Variants in TOX observed in about 807,000 individuals in gnomAD.
TOX encodes thymocyte selection-associated high mobility group box protein TOX.
TOX carries 11 observed loss-of-function variants against 53.7 expected under a neutral mutation model. The ratio of observed to expected loss-of-function variants is 0.20; its 90% CI spans 0.13 to 0.34. The LOEUF is 0.34. Among genes scored for constraint, TOX ranks in the 10% least tolerant of loss-of-function variants. TOX has a pLI of 1.00. For synonymous variants in TOX, 225 were observed against 245.3 expected, an observed-to-expected ratio of 0.92 and a Z score of 0.77; for missense variants, 570 against 664.6, an observed-to-expected ratio of 0.86 and a Z score of 1.56.
chr8:58,883,084 C>T lies in TOX; in HGVS notation c.412-31279G>A, dbSNP rs373403038. 1.6e-3 allele frequency among the ~76,000 whole-genome samples: 245 copies of T among 152,280 alleles called. 1 individual carries two copies. Among genetic ancestry groups the T allele is most frequent in the Non-Finnish European group, 2.8e-3 (189 of 68,032 alleles). On this transcript the variant is annotated intron_variant, in intron 3 of 8. Transcript: ENST00000361421. ...ATTCTATTTTCTCAGTGATATGTGT[C>T]CTAATCACTTTCTCAGCAGTGTCAT...
chr8:58,874,354 G>T (rs1811250468), intron 3 of TOX, among the ~76,000 whole-genome samples: 1 of 152,044 alleles, frequency 6.6e-6, no homozygotes, highest in African/African-American at 2.4e-5. Context: ...AGTGAGAGAT[G>T]TTTTGAGTGT....
At chr8:58,854,365 A>G (rs1810876032) in intron 3 of TOX, among the ~76,000 whole-genome samples, 2 of 152,186 alleles carry the variant, frequency 1.3e-5, no homozygotes, top group African/African-American at 4.8e-5. Flanking sequence ...TTCCAGATTT[A>G]TGACTACAAC....
intron 1 of TOX, among the ~76,000 whole-genome samples, chr8:58,977,401 T>C (rs1813121596): frequency 6.6e-6 from 1 of 152,246 alleles, no homozygotes; most frequent in Non-Finnish European, 1.5e-5. Flanking sequence ...AGTGGCTGCT[T>C]TGATCTTCTA....
chr8:58,996,068 T>G (rs1378430207), intron 1 of TOX, among the ~76,000 whole-genome samples: 1 of 152,256 alleles, frequency 6.6e-6, no homozygotes, highest in African/African-American at 2.4e-5. Flanking sequence ...GTAATTTTTA[T>G]AGCAGTTTTA....
chr8:59,037,803 A>C (rs913209364), intron 1 of TOX, among the ~76,000 whole-genome samples: 12 of 116,708 alleles, frequency 1.0e-4, no homozygotes, highest in Admixed American at 4.0e-4. Context: ...CTCCATCTCA[A>C]AAAAAAAAAA....
intron 1 of TOX, among the ~76,000 whole-genome samples, chr8:59,114,880 G>A (rs569371227): frequency 6.6e-6 from 1 of 152,108 alleles, no homozygotes; most frequent in Non-Finnish European, 1.5e-5. Flanking sequence ...AGGAGATTTT[G>A]CAGAGACTGT....
chr8:59,001,996 C>T (rs1192381385), intron 1 of TOX, among the ~76,000 whole-genome samples: 8 of 113,326 alleles, frequency 7.1e-5, no homozygotes, highest in Non-Finnish European at 1.3e-4. Flanking sequence ...TTTTTTGAGA[C>T]GGAGTTTCAC....
intron 3 of TOX, among the ~76,000 whole-genome samples, chr8:58,861,660 T>C (rs1811011571): frequency 6.6e-6 from 1 of 152,188 alleles, no homozygotes; most frequent in African/African-American, 2.4e-5. Flanking sequence ...AATTGGGACG[T>C]ACTGGGAGAC....
chr8:59,111,052 T>C (rs1033772452), intron 1 of TOX, among the ~76,000 whole-genome samples: 3 of 152,164 alleles, frequency 2.0e-5, no homozygotes, highest in Admixed American at 2.0e-4. Context: ...ACTGGATATA[T>C]GGAAGACTGG....
chr8:58,818,303 T>A (rs1013188771), intron 6 of TOX, among the ~76,000 whole-genome samples: 1 of 152,214 alleles, frequency 6.6e-6, no homozygotes, highest in Non-Finnish European at 1.5e-5. Context: ...GTTCCAAAGA[T>A]AATGATTCAG....
chr8:59,023,418 T>A (rs957038833), intron 1 of TOX, among the ~76,000 whole-genome samples: 1 of 147,052 alleles, frequency 6.8e-6, no homozygotes. Context: ...TTTTATCTGG[T>A]CAGTCTCTGA....
intron 2 of TOX, among the ~76,000 whole-genome samples, chr8:58,957,638 G>A (rs974133567): frequency 6.6e-6 from 1 of 152,160 alleles, no homozygotes; most frequent in Non-Finnish European, 1.5e-5. Flanking sequence ...CATCACAGGA[G>A]CAGTAGTGCG....
In TOX at chr8:58,851,145, C is replaced by T. The variant is rs116390680; in HGVS notation, c.693+379G>A. 0.019 allele frequency among the ~76,000 whole-genome samples: 2,204 copies of T among 118,306 alleles called. 61 individuals are homozygous for T. Among genetic ancestry groups the T allele is most frequent in the African/African-American group, 0.066 (2,084 of 31,370 alleles). 77.6% of individuals were successfully genotyped at this position (118,306 alleles called of 152,430 possible). On this transcript the variant is annotated intron_variant, in intron 4 of 8. Coordinates refer to ENST00000361421, the MANE Select transcript of TOX (RefSeq NM_014729.3). The surrounding 1 kb of genome is among the most constrained non-coding windows in gnomAD (Gnocchi z 4.4). Reference sequence around the variant, plus strand: ...CATGTAACATCATCACCATACATCTCCTCTCTCTCTCTGTCTCTCTCTCTC... The same window carrying T: ...CATGTAACATCATCACCATACATCTTCTCTCTCTCTCTGTCTCTCTCTCTC...
intron 1 of TOX, among the ~76,000 whole-genome samples, chr8:59,095,229 G>A (rs1026661698): frequency 4.6e-5 from 7 of 151,594 alleles, no homozygotes; most frequent in African/African-American, 1.7e-4. Flanking sequence ...GGTAATATTC[G>A]CTCTAAAAGA....
At chr8:59,095,937 C>T (rs886496930) in intron 1 of TOX, among the ~76,000 whole-genome samples, 1 of 152,146 alleles carries the variant, frequency 6.6e-6, no homozygotes, top group Non-Finnish European at 1.5e-5. Context: ...CTGTCATTTA[C>T]TGATCACACA....
Position 58,873,957 on chromosome 8 carries a change from G to GTTTTTTTTTTTTT in TOX, c.412-22153_412-22152insAAAAAAAAAAAAA, listed in dbSNP as rs1585873069. On this transcript the variant is annotated intron_variant, in intron 3 of 8. Transcript: ENST00000361421. ...GAATACACATCCTGAATGCCAGGAAGCTTTTTTTTTTTTTTTTTTTTTTTT... is the reference window on the plus strand; with the variant it reads ...GAATACACATCCTGAATGCCAGGAAGTTTTTTTTTTTTTCTTTTTTTTTTTTTTTTTTTTTTTT... Among the ~76,000 whole-genome samples the GTTTTTTTTTTTTT allele has an allele frequency of 6.8e-5, 3 of 43,986 alleles. No homozygotes were observed. The African/African-American group carries it at 9.4e-4, about 14-fold the overall frequency. The allele number at this position is 43,986 out of a possible 152,430, so 28.9% of individuals were successfully genotyped here.
At chr8:59,010,491 A>C (rs1813884687) in intron 1 of TOX, among the ~76,000 whole-genome samples, 1 of 152,194 alleles carries the variant, frequency 6.6e-6, no homozygotes, top group Non-Finnish European at 1.5e-5. Flanking sequence ...CAAAGGTCTT[A>C]TTTAGTTACC....
At chr8:59,005,670 C>T (rs890417154) in intron 1 of TOX, among the ~76,000 whole-genome samples, 55 of 152,032 alleles carry the variant, frequency 3.6e-4, no homozygotes, top group Non-Finnish European at 2.8e-4. Context: ...TTTTAATGAG[C>T]ATTAAACAAT....
intron 3 of TOX, among the ~76,000 whole-genome samples, chr8:58,927,030 T>C (rs1563391416): frequency 6.6e-6 from 1 of 150,426 alleles, no homozygotes. Flanking sequence ...GTGATGTAAA[T>C]ATGATCATTG....
Sources: gnomAD v4.1 joint callset for allele counts (sites outside exome capture counted in the v4.1 genomes callset) on GRCh38, gnomAD v4.1.1 for gene constraint, Gnocchi (gnomAD v3.1) non-coding constraint, MANE v1.5 for transcripts, NCBI Gene and HGNC (gene_info 2026-07-23, HGNC 2026-07-21) for gene names.